Variants in NOX3 observed in about 807,000 individuals in gnomAD.
NOX3 encodes the protein NADPH oxidase catalytic subunit-like 3.
Under a neutral mutation model 76.7 loss-of-function variants are expected in NOX3, and 74 were observed. The ratio of observed to expected loss-of-function variants is 0.96; its 90% CI spans 0.80 to 1.17. NOX3 has a LOEUF of 1.17. NOX3 is among the 50% of genes most tolerant of loss of function. The pLI is 0.00. For synonymous variants in NOX3, 263 were observed against 261.1 expected, an observed-to-expected ratio of 1.01 and a Z score of -0.07; for missense variants, 695 against 703.3, an observed-to-expected ratio of 0.99 and a Z score of 0.13.
chr6:155,433,733 C>T (rs549612746), intron 7 of NOX3, among the ~76,000 whole-genome samples: 3 of 152,002 alleles, frequency 2.0e-5, no homozygotes, highest in Non-Finnish European at 4.4e-5. Flanking sequence ...TTCATGGCCA[C>T]AGAGTTAGGG....
intron 10 of NOX3, 52 bp from the exon 11 acceptor site, chr6:155,411,412 G>A (rs1262614220): frequency 6.6e-7 from 1 of 1,508,678 alleles, no homozygotes; most frequent in South Asian, 1.3e-5. Context: ...CATATGTGCT[G>A]ATAATCACAG....
At chr6:155,414,326 A>T (rs906971660) in intron 10 of NOX3, among the ~76,000 whole-genome samples, 3 of 152,232 alleles carry the variant, frequency 2.0e-5, no homozygotes, top group African/African-American at 7.2e-5. Context: ...CTGGTCAATG[A>T]GAGACCAAGT....
At position 155,434,795 on chromosome 6, in the gene NOX3, G is replaced by T. The variant is rs187904915; in HGVS notation, c.798+1623C>A. ...AGGGGAGGAGGGACTGCCGGGTATAGTTGGTTTCTTTAATCAGTTCCATTT... is the reference window on the plus strand; with the variant it reads ...AGGGGAGGAGGGACTGCCGGGTATATTTGGTTTCTTTAATCAGTTCCATTT... On this transcript the variant is annotated intron_variant, in intron 7 of 13. Coordinates refer to ENST00000159060, the MANE Select transcript of NOX3 (RefSeq NM_015718.3). Among the ~76,000 whole-genome samples the T allele has an allele frequency of 2.6e-5, 4 of 152,286 alleles. No individual in the cohort carries two copies. In the East Asian group the frequency reaches 7.7e-4, roughly 29 times the overall value.
At chr6:155,397,885 A>G (rs1387498475) in intron 12 of NOX3, among the ~76,000 whole-genome samples, 1 of 152,220 alleles carries the variant, frequency 6.6e-6, no homozygotes, top group East Asian at 1.9e-4. Context: ...AAACGTTGTC[A>G]TCTCTAATCT....
At chr6:155,429,115 C>G in intron 8 of NOX3, 68 bp from the exon 9 acceptor site, 5 of 1,396,092 alleles carry the variant, frequency 3.6e-6, no homozygotes, top group Non-Finnish European at 4.7e-6. Flanking sequence ...TTCATTCCAT[C>G]AAAGGTGTTG....
At chr6:155,413,936 C>A (rs1427380278) in intron 10 of NOX3, among the ~76,000 whole-genome samples, 1 of 152,192 alleles carries the variant, frequency 6.6e-6, no homozygotes, top group African/African-American at 2.4e-5. Context: ...AAAACTATCC[C>A]CATCTTAGCT....
intron 10 of NOX3, among the ~76,000 whole-genome samples, chr6:155,418,255 G>GTGTGATGTA (rs1256253960): frequency 6.6e-6 from 1 of 151,904 alleles, no homozygotes; most frequent in Admixed American, 6.6e-5. Context: ...CACAAATTGA[G>GTGTGATGTA]TGTGATGTAG....
chr6:155,430,895 C>T lies in NOX3; in HGVS notation c.839G>A (p.Cys280Tyr), dbSNP rs1776823599. The stretch of plus-strand genomic sequence containing the variant: ...TCGCCAGAACCTAATTATTCTTTCA[C>T]ATGCATACAAGACCACAGGGCCTAA... ...WILGPVVLYA[C>Y]ERIIRFWRFQ... Residue 280 changes from cysteine (C) to tyrosine (Y), a missense_variant, in exon 8 of 14, where the codon TGT (cysteine) becomes TAT (tyrosine). Cys to Tyr is a radical substitution (Grantham distance 194). Coordinates refer to ENST00000159060, the MANE Select transcript of NOX3 (RefSeq NM_015718.3). 6.2e-7 allele frequency: 1 copy of T among 1,613,542 alleles called. No individual in the cohort carries two copies. The highest frequency in any genetic ancestry group is 1.1e-5 in the South Asian group (1 of 91,044).
chr6:155,398,827 A>G (rs1381961255), intron 12 of NOX3, among the ~76,000 whole-genome samples: 4 of 152,194 alleles, frequency 2.6e-5, no homozygotes, highest in Non-Finnish European at 5.9e-5. Context: ...AATGGGGAGA[A>G]TTATAGAATC....
intron 12 of NOX3, among the ~76,000 whole-genome samples, chr6:155,401,494 C>A (rs1223920954): frequency 1.3e-5 from 2 of 152,122 alleles, no homozygotes; most frequent in Non-Finnish European, 2.9e-5. Flanking sequence ...TTAAAAATAT[C>A]ATTTTAAAAC....
At chr6:155,418,057 C>T (rs1203640132) in intron 10 of NOX3, among the ~76,000 whole-genome samples, 1 of 152,222 alleles carries the variant, frequency 6.6e-6, no homozygotes, top group African/African-American at 2.4e-5. Flanking sequence ...CGAACCGCAT[C>T]TTGCAGTTGG....
chr6:155,451,517 T>C (rs1777139558), intron 4 of NOX3, among the ~76,000 whole-genome samples: 2 of 152,246 alleles, frequency 1.3e-5, no homozygotes, highest in South Asian at 4.1e-4. Context: ...TCTAATGCAT[T>C]GGTATTATTG....
chr6:155,407,302 G>A (rs2114678071), intron 11 of NOX3, 48 bp from the exon 12 acceptor site: 1 of 1,506,156 alleles, frequency 6.6e-7, no homozygotes. Flanking sequence ...AAAAAAATAA[G>A]ACTTCTATAA....
In NOX3 at chr6:155,438,571, C is replaced by T. The variant is rs550121643; in HGVS notation, c.668+1385G>A. On this transcript the variant is annotated intron_variant, in intron 6 of 13. Transcript: ENST00000159060. ...CAGTGGCAGCGGCAGAACTGCCACCCCCTTCCAGAAGTAGGGGGCTGAGAA... is the reference window on the plus strand; with the variant it reads ...CAGTGGCAGCGGCAGAACTGCCACCTCCTTCCAGAAGTAGGGGGCTGAGAA... 3.3e-5 allele frequency among the ~76,000 whole-genome samples: 5 copies of T among 152,312 alleles called. No homozygotes were observed. The South Asian group carries it at 1.0e-3, about 32-fold the overall frequency.
At chr6:155,445,568 C>T (rs1373667308) in intron 4 of NOX3, among the ~76,000 whole-genome samples, 1 of 152,142 alleles carries the variant, frequency 6.6e-6, no homozygotes, top group Non-Finnish European at 1.5e-5. Flanking sequence ...CCTTACAACT[C>T]ACTTCAAAAG....
intron 12 of NOX3, among the ~76,000 whole-genome samples, chr6:155,398,514 C>T (rs563527349): frequency 1.1e-3 from 165 of 152,322 alleles, no homozygotes; most frequent in Non-Finnish European, 1.2e-3. Flanking sequence ...GATGGTTCCC[C>T]TGCATTTCAA....
intron 5 of NOX3, among the ~76,000 whole-genome samples, chr6:155,441,923 C>A (rs191833081): frequency 2.2e-4 from 34 of 152,260 alleles, no homozygotes; most frequent in Non-Finnish European, 3.5e-4. Flanking sequence ...AGCTGTAGTT[C>A]TGATTCGGAA....
intron 4 of NOX3, among the ~76,000 whole-genome samples, chr6:155,452,913 T>C (rs987995065): frequency 6.6e-6 from 1 of 152,220 alleles, no homozygotes; most frequent in African/African-American, 2.4e-5. Context: ...TATATGCCGA[T>C]AAAGCTTCAT....
At chr6:155,410,889 C>T (rs1350688015) in intron 11 of NOX3, among the ~76,000 whole-genome samples, 2 of 152,186 alleles carry the variant, frequency 1.3e-5, no homozygotes, top group Non-Finnish European at 2.9e-5. Context: ...GATGATACAG[C>T]CAATCAGTAA....
Sources: allele counts gnomAD v4.1 joint callset (sites outside exome capture counted in the v4.1 genomes callset), GRCh38; gene constraint gnomAD v4.1.1; transcripts MANE v1.5; gene names NCBI Gene and HGNC (gene_info 2026-07-23, HGNC 2026-07-21).